ARHGAP8: variants seen among roughly 807,000 people sequenced by gnomAD.
ARHGAP8 encodes Rho GTPase activating protein 8, also known as rho GTPase-activating protein 8.
ARHGAP8 carries 62 observed loss-of-function variants against 46.1 expected under a neutral mutation model. That is an observed-to-expected ratio of 1.34 (90% confidence interval 1.10 to 1.66). ARHGAP8 has a LOEUF of 1.66. Ranked by LOEUF, ARHGAP8 falls within the 40% of genes most tolerant of loss-of-function variation. ARHGAP8 has a pLI of 0.00. For missense variants in ARHGAP8, 923 were observed against 568.4 expected, an observed-to-expected ratio of 1.62 and a Z score of -6.34; for synonymous variants, 375 against 243.1, an observed-to-expected ratio of 1.54 and a Z score of -5.05.
At chr22:44,844,039 T>A (rs2069895552) in intron 7 of ARHGAP8, among the ~76,000 whole-genome samples, 1 of 152,196 alleles carries the variant, frequency 6.6e-6, no homozygotes, top group Non-Finnish European at 1.5e-5. Context: ...TGGTGCGATC[T>A]TGGCTCCCTG....
chr22:44,799,080 C>G (rs1406343700), intron 2 of ARHGAP8, among the ~76,000 whole-genome samples: 1 of 152,206 alleles, frequency 6.6e-6, no homozygotes, highest in African/African-American at 2.4e-5. Flanking sequence ...CCTGGGGGGC[C>G]CCCAAGGTCT....
At chr22:44,844,126 C>T (rs565503834) in intron 7 of ARHGAP8, among the ~76,000 whole-genome samples, 16 of 152,034 alleles carry the variant, frequency 1.1e-4, no homozygotes, top group Non-Finnish European at 1.3e-4. Flanking sequence ...CATGCATCAC[C>T]ACGCCTGGCT....
chr22:44,781,019 C>T (rs1926806715), intron 1 of ARHGAP8, among the ~76,000 whole-genome samples: 1 of 152,180 alleles, frequency 6.6e-6, no homozygotes, highest in East Asian at 1.9e-4. Context: ...CTGGGTTCCA[C>T]AGACTCCCGT....
At chr22:44,853,975 T>G (rs2070157352) in intron 10 of ARHGAP8, among the ~76,000 whole-genome samples, 1 of 128,878 alleles carries the variant, frequency 7.8e-6, no homozygotes, top group East Asian at 2.3e-4. Context: ...TGCAGTGAGC[T>G]GAGATCTCAC....
intron 5 of ARHGAP8, 75 bp from the exon 6 acceptor site, chr22:44,822,296 C>G: frequency 7.7e-7 from 1 of 1,299,862 alleles, no homozygotes; most frequent in East Asian, 2.6e-5. Flanking sequence ...CGCCAACTCC[C>G]CCTCCCTCCC....
At chr22:44,753,332 G>C (rs527359172) in intron 1 of ARHGAP8, among the ~76,000 whole-genome samples, 1 of 150,802 alleles carries the variant, frequency 6.6e-6, no homozygotes, top group Non-Finnish European at 1.5e-5. Flanking sequence ...AGCGATTCTT[G>C]TGCCTCAGCC....
intron 1 of ARHGAP8, among the ~76,000 whole-genome samples, chr22:44,763,911 C>G (rs1389492987): frequency 6.6e-6 from 1 of 150,902 alleles, no homozygotes; most frequent in Admixed American, 6.6e-5. Context: ...CCTGGGTTCA[C>G]GCCATTCTGC....
chr22:44,790,219 G>C (rs373378266), intron 2 of ARHGAP8, among the ~76,000 whole-genome samples: 37 of 152,194 alleles, frequency 2.4e-4, no homozygotes, highest in African/African-American at 8.2e-4. Context: ...AGAGGTTTGA[G>C]TTAATGTCGT....
intron 7 of ARHGAP8, among the ~76,000 whole-genome samples, chr22:44,845,034 T>C (rs1335177153): frequency 6.6e-6 from 1 of 152,134 alleles, no homozygotes; most frequent in Non-Finnish European, 1.5e-5. Flanking sequence ...CCAAACCCCA[T>C]GTCTTCCCTG....
rs765201276 is a variant in ARHGAP8, at chr22:44,845,356, G to GGCTCCA, written c.670+18_670+23dup. ...TGAGAGAGAAAGGTGAGACGGGGCC[G>GGCTCCA]GCTCCAGCTGGATGACGTGAGGGCT... On this transcript the variant is annotated intron_variant, in intron 8 of 11. Coordinates refer to ENST00000356099, the MANE Select transcript of ARHGAP8 (RefSeq NM_181335.3). The GGCTCCA allele has an allele frequency of 3.7e-5, 60 of 1,613,798 alleles. No homozygotes were observed. The highest frequency in any genetic ancestry group is 3.8e-5 in the Non-Finnish European group (45 of 1,179,978).
At chr22:44,847,454 C>G (rs2069985837) in intron 8 of ARHGAP8, among the ~76,000 whole-genome samples, 1 of 152,186 alleles carries the variant, frequency 6.6e-6, no homozygotes, top group South Asian at 2.1e-4. Flanking sequence ...GAGGCTCATG[C>G]AATTGAGTGA....
At chr22:44,793,212 G>C (rs1393664233) in intron 2 of ARHGAP8, among the ~76,000 whole-genome samples, 1 of 152,144 alleles carries the variant, frequency 6.6e-6, no homozygotes, top group Non-Finnish European at 1.5e-5. Context: ...TGAAGCTCTG[G>C]TCTGGGGCTG....
intron 1 of ARHGAP8, among the ~76,000 whole-genome samples, chr22:44,781,223 C>G (rs1451484253): frequency 6.7e-6 from 1 of 150,076 alleles, no homozygotes; most frequent in Non-Finnish European, 1.5e-5. Context: ...TGCAGGAAGT[C>G]TTCGTGGAAT....
intron 7 of ARHGAP8, among the ~76,000 whole-genome samples, chr22:44,833,182 A>G (rs1381742855): frequency 1.3e-5 from 2 of 149,006 alleles, no homozygotes; most frequent in Non-Finnish European, 3.0e-5. Context: ...GTGCAACCTC[A>G]GATTCCTGGG....
chr22:44,862,157 C>T lies in ARHGAP8; in HGVS notation c.982-118C>T, dbSNP rs952019559. 6.4e-6 allele frequency: 8 copies of T among 1,259,050 alleles called. No homozygotes were observed. In the Admixed American group the frequency reaches 8.6e-5, roughly 14 times the overall value. The allele number at this position is 1,259,050 out of a possible 1,614,324, so 78.0% of individuals were successfully genotyped here. ...CAGGGTCCCCATTACTGGCTGCCGG[C>T]TCCCAGTCCAGTGCTCCTCTCACTA... On this transcript the variant is annotated intron_variant, in intron 11 of 11. Transcript: ENST00000356099.
intron 1 of ARHGAP8, among the ~76,000 whole-genome samples, chr22:44,783,640 C>G (rs912892819): frequency 2.0e-5 from 3 of 152,224 alleles, no homozygotes; most frequent in African/African-American, 7.2e-5. Context: ...GAGGCCAGAG[C>G]TGTGCAAGCT....
At chr22:44,820,854 C>G (rs1382377095) in intron 5 of ARHGAP8, among the ~76,000 whole-genome samples, 2 of 151,992 alleles carry the variant, frequency 1.3e-5, no homozygotes, top group African/African-American at 4.8e-5. Flanking sequence ...AACCACCTGG[C>G]GCTGGTGCTG....
At chr22:44,851,488 T>G (rs974783575) in intron 10 of ARHGAP8, among the ~76,000 whole-genome samples, 3 of 152,160 alleles carry the variant, frequency 2.0e-5, no homozygotes, top group African/African-American at 7.2e-5. Flanking sequence ...CTCGGCACAC[T>G]GCAACCTCCA....
At chr22:44,819,517 C>CA (rs1223029968) in intron 5 of ARHGAP8, among the ~76,000 whole-genome samples, 1 of 152,020 alleles carries the variant, frequency 6.6e-6, no homozygotes, top group Non-Finnish European at 1.5e-5. Flanking sequence ...ATTAAAAATA[C>CA]AAAAAATTAG....
Sources: gnomAD v4.1 joint callset for allele counts (sites outside exome capture counted in the v4.1 genomes callset) on GRCh38, gnomAD v4.1.1 for gene constraint, MANE v1.5 for transcripts, NCBI Gene and HGNC (gene_info 2026-07-23, HGNC 2026-07-21) for gene names.